Variants in LOXHD1 observed in about 807,000 individuals in gnomAD.
The protein encoded by LOXHD1 is lipoxygenase homology domain-containing protein 1.
LOXHD1 carries 205 observed loss-of-function variants against 248.2 expected under a neutral mutation model. The observed-to-expected ratio is 0.83, with a 90% CI of 0.74 to 0.93. LOXHD1 has a LOEUF of 0.93. LOXHD1 is among the 40% of genes least tolerant of loss of function. The pLI is 0.00. For missense variants in LOXHD1, 2,930 were observed against 2,971.6 expected (o/e 0.99, Z 0.33); for synonymous variants, 1,113 against 1,162.8 (o/e 0.96, Z 0.87).
At chr18:46,622,709 G>A (rs1937642650) in intron 4 of LOXHD1, among the ~76,000 whole-genome samples, 1 of 152,226 alleles carries the variant, frequency 6.6e-6, no homozygotes, top group African/African-American at 2.4e-5. Context: ...AGTAGAGCAT[G>A]TCCTATGCCC....
chr18:46,610,927 G>A lies in LOXHD1; in HGVS notation c.611-3C>T, dbSNP rs1290147430. 4 of 1,551,620 alleles carry A rather than the reference G, an allele frequency of 2.6e-6. No individual in the cohort carries two copies. The highest frequency in any genetic ancestry group is 3.5e-6 in the Non-Finnish European group (4 of 1,146,986). ...TTCATTTTCTAGCCTACGCTCCCCT[G>A]TATGCACAGACATACAAAAGAAATT... On this transcript the variant is annotated splice_polypyrimidine_tract_variant and splice_region_variant and intron_variant, in intron 5 of 40. Transcript: ENST00000642948.
At position 46,579,801 on chromosome 18, in the gene LOXHD1, G is replaced by C. The variant is rs373597111; in HGVS notation, c.1655-17C>G. ...ACCGGGCCACTGGCAGGCAGAGAGA[G>C]GGACATCATTGCTGACAGCCCCCTG... On this transcript the variant is annotated splice_polypyrimidine_tract_variant and intron_variant, in intron 12 of 40. Transcript: ENST00000642948. 2 of 1,548,756 alleles carry C rather than the reference G, an allele frequency of 1.3e-6. No homozygotes were observed. The highest frequency in any genetic ancestry group is 1.7e-6 in the Non-Finnish European group (2 of 1,144,722).
At chr18:46,647,726 C>T (rs1044251149) in intron 2 of LOXHD1, among the ~76,000 whole-genome samples, 1 of 152,190 alleles carries the variant, frequency 6.6e-6, no homozygotes, top group Non-Finnish European at 1.5e-5. Flanking sequence ...GCAGCATGGA[C>T]GCTATAGCCC....
chr18:46,505,674 C>T (rs1348154515), intron 37 of LOXHD1, among the ~76,000 whole-genome samples, 164 bp downstream of exon 37: 1 of 152,210 alleles, frequency 6.6e-6, no homozygotes, highest in African/African-American at 2.4e-5. Flanking sequence ...GAAACACTGG[C>T]TCTTTCATAC....
At chr18:46,620,863 T>C (rs1389009421) in intron 4 of LOXHD1, among the ~76,000 whole-genome samples, 5 of 152,066 alleles carry the variant, frequency 3.3e-5, no homozygotes, top group Non-Finnish European at 5.9e-5. Flanking sequence ...TGAGGAAAAG[T>C]GAGGCCTGGG....
At chr18:46,631,745 G>C (rs995016143) in intron 4 of LOXHD1, among the ~76,000 whole-genome samples, 2 of 152,200 alleles carry the variant, frequency 1.3e-5, no homozygotes, top group Non-Finnish European at 2.9e-5. Context: ...CAGGCCCCGG[G>C]GCTCCAGAAA....
At chr18:46,633,574 G>T (rs2038854705) in intron 4 of LOXHD1, among the ~76,000 whole-genome samples, 1 of 152,106 alleles carries the variant, frequency 6.6e-6, no homozygotes, top group Non-Finnish European at 1.5e-5. Context: ...CAATTTTTTA[G>T]ATATGACACC....
chr18:46,489,997 G>A (rs2033348218), intron 37 of LOXHD1, among the ~76,000 whole-genome samples: 2 of 152,194 alleles, frequency 1.3e-5, no homozygotes, highest in Admixed American at 6.5e-5. Context: ...GGCTTCCCTC[G>A]GAAGTGTGCC....
chr18:46,485,170 G>C lies in LOXHD1; in HGVS notation c.6050-19C>G, dbSNP rs1410136426. 1 of 1,547,272 alleles carries C rather than the reference G, an allele frequency of 6.5e-7. No individual in the cohort carries two copies. On this transcript the variant is annotated intron_variant, in intron 38 of 40. Transcript: ENST00000642948. ...TCGTAGGCTGTAATGGAGGAGGTGG[G>C]GGAGGGTCAGCACAGGGGAAGCAGT...
At chr18:46,617,921 T>A (rs991243602) in intron 5 of LOXHD1, among the ~76,000 whole-genome samples, 1 of 152,174 alleles carries the variant, frequency 6.6e-6, no homozygotes, top group African/African-American at 2.4e-5. Context: ...CTTGGGAGTG[T>A]CCATGGTCTG....
chr18:46,638,065 A>G (rs992054614), intron 4 of LOXHD1, among the ~76,000 whole-genome samples: 1 of 152,210 alleles, frequency 6.6e-6, no homozygotes, highest in South Asian at 2.1e-4. Flanking sequence ...GCTCCAGGGC[A>G]CCACAGAGCC....
At chr18:46,498,493 T>C (rs994423516) in intron 37 of LOXHD1, among the ~76,000 whole-genome samples, 1 of 152,222 alleles carries the variant, frequency 6.6e-6, no homozygotes, top group Non-Finnish European at 1.5e-5. Flanking sequence ...CCCAGAAGTC[T>C]GCAGTCAAGG....
intron 1 of LOXHD1, among the ~76,000 whole-genome samples, chr18:46,652,493 T>C (rs2039124448): frequency 1.3e-5 from 2 of 152,032 alleles, no homozygotes; most frequent in South Asian, 4.2e-4. Flanking sequence ...GAAATGCAAA[T>C]TAAAACTACA....
chr18:46,604,032 C>G, intron 7 of LOXHD1, 74 bp downstream of exon 7: 1 of 1,535,650 alleles, frequency 6.5e-7, no homozygotes, highest in Non-Finnish European at 8.8e-7. Flanking sequence ...GGCCTCCAGC[C>G]CCACAGATGC....
In LOXHD1 at chr18:46,557,546, A is replaced by T. The variant is rs1418734253; in HGVS notation, c.3217-57T>A. The T allele has an allele frequency of 1.1e-5, 17 of 1,546,724 alleles. No individual in the cohort carries two copies. The South Asian group carries it at 1.9e-4, about 17-fold the overall frequency. ...AAGACCTACCCCTCCCCACATGGCC[A>T]TCAGCCCCATCCTCCCAAGAACCAG... On this transcript the variant is annotated intron_variant, in intron 20 of 40. Transcript: ENST00000642948.
intron 6 of LOXHD1, among the ~76,000 whole-genome samples, chr18:46,607,496 T>C (rs939572254): frequency 7.3e-5 from 11 of 150,996 alleles, no homozygotes; most frequent in Admixed American, 1.3e-4. Flanking sequence ...AAGTGATATA[T>C]ATATATTAAT....
chr18:46,489,010 C>T lies in LOXHD1; in HGVS notation c.6011G>A (p.Cys2004Tyr). ...CTCATCACAGATCTTGTTGTTGGCA[C>T]AGGCAAAGTCGCGGACCGTCTGCCC... ...GDGQTVRDFA[C>Y]ANNKICDELE... is the part of the protein sequence containing the mutation. The change falls in exon 38 of 41, where the codon TGT becomes TAT. Residue 2004 changes from cysteine to tyrosine, a missense_variant. By Grantham distance (194) the Cys-to-Tyr change is radical. Transcript: ENST00000642948. 1 of 1,551,722 alleles carries T rather than the reference C, an allele frequency of 6.4e-7. No individual in the cohort carries two copies. Among genetic ancestry groups the T allele is most frequent in the Non-Finnish European group, 8.7e-7 (1 of 1,147,000 alleles).
intron 1 of LOXHD1, among the ~76,000 whole-genome samples, chr18:46,650,789 C>T (rs779863316): frequency 1.3e-5 from 2 of 152,202 alleles, no homozygotes; most frequent in South Asian, 2.1e-4. Flanking sequence ...ATCATTCATA[C>T]TTCAGCATGC....
chr18:46,566,149 G>C, intron 17 of LOXHD1, 108 bp downstream of exon 17: 1 of 1,254,362 alleles, frequency 8.0e-7, no homozygotes, highest in Non-Finnish European at 1.1e-6. Flanking sequence ...GACCCTACCA[G>C]CAGCACTTGT....
Sources: allele counts gnomAD v4.1 joint callset (sites outside exome capture counted in the v4.1 genomes callset), GRCh38; gene constraint gnomAD v4.1.1; transcripts MANE v1.5; gene names NCBI Gene and HGNC (gene_info 2026-07-23, HGNC 2026-07-21).